The following FAM204A variants were observed in gnomAD, a reference collection of about 807,000 sequenced individuals.
The protein encoded by FAM204A is protein FAM204A.
In FAM204A, 16 loss-of-function variants were observed where a neutral mutation model predicts 35.4. The ratio of observed to expected loss-of-function variants is 0.45; its 90% CI spans 0.31 to 0.69. The LOEUF is 0.69. Among genes scored for constraint, FAM204A ranks in the 30% least tolerant of loss-of-function variants. The pLI, the probability that FAM204A is intolerant of heterozygous loss-of-function variation, is 0.07. For missense variants in FAM204A, 240 were observed against 265.7 expected (o/e 0.90, Z 0.67); for synonymous variants, 76 against 86.9 (o/e 0.88, Z 0.70).
At chr10:118,336,455 G>A (rs1438201643) in intron 2 of FAM204A, 32 bp from the exon 3 acceptor site, 2 of 1,542,080 alleles carry the variant, frequency 1.3e-6, no homozygotes, top group Admixed American at 4.2e-5. Flanking sequence ...TACACATGTA[G>A]AATAACCATA....
chr10:118,325,216 T>C, intron 7 of FAM204A, among the ~76,000 whole-genome samples: 1 of 152,028 alleles, frequency 6.6e-6, no homozygotes, highest in Non-Finnish European at 1.5e-5. Context: ...CAAACATCCA[T>C]CCACAGTAGA....
chr10:118,320,569 CACAT>C (rs1320054189), intron 7 of FAM204A, among the ~76,000 whole-genome samples: 4 of 151,964 alleles, frequency 2.6e-5, no homozygotes, highest in Non-Finnish European at 5.9e-5. Context: ...CACACACACA[CACAT>C]ATTTCAAATT....
Position 118,335,837 on chromosome 10 carries a change from AG to A in FAM204A, c.235-197del, listed in dbSNP as rs2133292417. 2.0e-5 allele frequency among the ~76,000 whole-genome samples: 3 copies of A among 152,350 alleles called. No homozygotes were observed. In the South Asian group the frequency reaches 6.2e-4, roughly 32 times the overall value. On this transcript the variant is annotated intron_variant, in intron 3 of 8. Coordinates refer to ENST00000369183, the MANE Select transcript of FAM204A (RefSeq NM_022063.3). ...TTTGATATTCACTTGTTTTGAAATA[AG>A]TCATTTGATAATTTGAGAGTGAAGC... is the stretch of plus-strand genomic sequence containing the variant.
rs1845797135 is a variant in FAM204A at position 118,300,503 on chromosome 10, T to C, written c.*10354A>G. On this transcript the variant is annotated 3_prime_UTR_variant, in exon 9 of 9. Coordinates refer to ENST00000369183, the MANE Select transcript of FAM204A (RefSeq NM_022063.3). ...CCCATTAGATCATGGTGGTGTAGCCTAGGGCACTGATTAACATTGGCTGAA... is the reference window on the plus strand; with the variant it reads ...CCCATTAGATCATGGTGGTGTAGCCCAGGGCACTGATTAACATTGGCTGAA... 6.6e-6 allele frequency: 1 copy of C among 152,208 alleles called. No individual in the cohort carries two copies. The highest frequency in any genetic ancestry group is 1.5e-5 in the Non-Finnish European group (1 of 68,032). The allele number at this position is 152,208 out of a possible 1,614,324, so 9.4% of individuals were successfully genotyped here. A position where few individuals can be genotyped will look rare whatever the true frequency, so the allele number is the denominator to read the frequency against.
At chr10:118,337,215 C>T (rs555454672) in intron 2 of FAM204A, 1 of 983,452 alleles carries the variant, frequency 1.0e-6, no homozygotes, top group African/African-American at 1.7e-5. Flanking sequence ...GTATAATACT[C>T]AAGTACATAC....
In FAM204A at chr10:118,305,354, A is replaced by G. The variant is rs1410430198; in HGVS notation, c.*5503T>C. On this transcript the variant is annotated 3_prime_UTR_variant, in exon 9 of 9. Coordinates refer to ENST00000369183, the MANE Select transcript of FAM204A (RefSeq NM_022063.3). ...AAAGGACACGTTAATGCAGTCTAAG[A>G]AAACTTTAAGCTTAAAATCACTGAG... 6.6e-6 allele frequency: 1 copy of G among 152,248 alleles called. No individual in the cohort carries two copies. The highest frequency in any genetic ancestry group is 1.5e-5 in the Non-Finnish European group (1 of 68,036). 9.4% of individuals were successfully genotyped at this position (152,248 alleles called of 1,614,324 possible).
At chr10:118,338,883 T>C (rs1846428845) in intron 2 of FAM204A, among the ~76,000 whole-genome samples, 1 of 152,216 alleles carries the variant, frequency 6.6e-6, no homozygotes, top group Non-Finnish European at 1.5e-5. Flanking sequence ...TTGTTGCTAA[T>C]CAGCCTTCAA....
chr10:118,315,818 C>A (rs1304497370), intron 7 of FAM204A, among the ~76,000 whole-genome samples: 1 of 152,092 alleles, frequency 6.6e-6, no homozygotes, highest in Non-Finnish European at 1.5e-5. Flanking sequence ...ATTCTGGGAG[C>A]CGAACATGGT....
rs1230322167 is a variant in FAM204A, at chr10:118,336,485, TAGAAGACATTCC to T, written c.-8-74_-8-63del. 8 of 1,414,602 alleles carry T rather than the reference TAGAAGACATTCC, an allele frequency of 5.7e-6. No homozygotes were observed. In the Admixed American group the frequency reaches 2.1e-4, roughly 38 times the overall value. 87.6% of individuals were successfully genotyped at this position (1,414,602 alleles called of 1,614,324 possible). ...ACCATAGAAATAATTTTAAGACCAT[TAGAAGACATTCC>T]AGGTGCCTAATAATTATAACAATGG... On this transcript the variant is annotated intron_variant, in intron 2 of 8. Transcript: ENST00000369183.
chr10:118,339,869 C>G (rs933561738), intron 2 of FAM204A, among the ~76,000 whole-genome samples: 1 of 152,188 alleles, frequency 6.6e-6, no homozygotes, highest in Admixed American at 6.5e-5. Flanking sequence ...TTGCCATGAA[C>G]TGAAAATATT....
chr10:118,307,557 C>T lies in FAM204A; in HGVS notation c.*3300G>A, dbSNP rs892804717. ...CTTGCCTCCTCAAACTTTATCATCT[C>T]TTAAAAAATAATGTACAACTCTCAT... is the stretch of plus-strand genomic sequence containing the variant. On this transcript the variant is annotated 3_prime_UTR_variant, in exon 9 of 9. Coordinates refer to ENST00000369183, the MANE Select transcript of FAM204A (RefSeq NM_022063.3). The T allele has an allele frequency of 1.3e-5, 2 of 152,182 alleles. No individual in the cohort carries two copies. Among genetic ancestry groups the T allele is most frequent in the African/African-American group, 4.8e-5 (2 of 41,450 alleles). 9.4% of individuals were successfully genotyped at this position (152,182 alleles called of 1,614,324 possible). A position where few individuals can be genotyped will look rare whatever the true frequency, so the allele number is the denominator to read the frequency against.
chr10:118,333,181 A>AG (rs1255815447), intron 6 of FAM204A, among the ~76,000 whole-genome samples: 2 of 152,164 alleles, frequency 1.3e-5, no homozygotes, highest in African/African-American at 2.4e-5. Flanking sequence ...GAAAAAGGGG[A>AG]GGAAAAAAAA....
rs533366994 is a variant in FAM204A at position 118,311,508 on chromosome 10, C to A, written c.544-195G>T. On this transcript the variant is annotated intron_variant, in intron 7 of 8. Transcript: ENST00000369183. ...TATCTCCCGTGACTCCCAATAGACC[C>A]TTTACCCTAGTTATACCAGTCTCCT... 5.9e-6 allele frequency: 3 copies of A among 511,498 alleles called. No homozygotes were observed. The Admixed American group carries it at 1.1e-4, about 19-fold the overall frequency. 31.7% of individuals were successfully genotyped at this position (511,498 alleles called of 1,614,324 possible). A position where few individuals can be genotyped will look rare whatever the true frequency, so the allele number is the denominator to read the frequency against.
At chr10:118,340,655 G>A (rs1846462472) in intron 2 of FAM204A, among the ~76,000 whole-genome samples, 1 of 152,180 alleles carries the variant, frequency 6.6e-6, no homozygotes, top group Non-Finnish European at 1.5e-5. Flanking sequence ...TCAGGACACT[G>A]AGAAGGGGAA....
Position 118,300,483 on chromosome 10 carries a change from T to C in FAM204A, c.*10374A>G, listed in dbSNP as rs1333583594. 6.6e-6 allele frequency: 1 copy of C among 152,202 alleles called. No homozygotes were observed. Among genetic ancestry groups the C allele is most frequent in the Non-Finnish European group, 1.5e-5 (1 of 68,026 alleles). The allele number at this position is 152,202 out of a possible 1,614,324, so 9.4% of individuals were successfully genotyped here. Reference sequence around the variant, plus strand: ...CAGTCATGAAAATTGAATGGCCCATTAGATCATGGTGGTGTAGCCTAGGGC... The same window carrying C: ...CAGTCATGAAAATTGAATGGCCCATCAGATCATGGTGGTGTAGCCTAGGGC... On this transcript the variant is annotated 3_prime_UTR_variant, in exon 9 of 9. Transcript: ENST00000369183.
At chr10:118,311,038 C>T (rs1845944068) in intron 8 of FAM204A, 130 bp from the exon 9 acceptor site, 2 of 1,067,944 alleles carry the variant, frequency 1.9e-6, no homozygotes, top group Non-Finnish European at 2.7e-6. Flanking sequence ...ACAAAATAAA[C>T]ATTAAACAGG....
rs528965858 is a variant in FAM204A, at chr10:118,305,973, T to C, written c.*4884A>G. 4 of 152,370 alleles carry C rather than the reference T, an allele frequency of 2.6e-5. No individual in the cohort carries two copies. Among genetic ancestry groups the C allele is most frequent in the African/African-American group, 9.6e-5 (4 of 41,590 alleles). 9.4% of individuals were successfully genotyped at this position (152,370 alleles called of 1,614,324 possible). ...ATAAAACCTTTATAGCTGAGACACA[T>C]TCAGCCTGAAGATGAAGTGATATAT... is the stretch of plus-strand genomic sequence containing the variant. On this transcript the variant is annotated 3_prime_UTR_variant, in exon 9 of 9. Coordinates refer to ENST00000369183, the MANE Select transcript of FAM204A (RefSeq NM_022063.3).
intron 7 of FAM204A, among the ~76,000 whole-genome samples, chr10:118,316,963 TA>T (rs1846041727): frequency 6.6e-6 from 1 of 151,984 alleles, no homozygotes. Flanking sequence ...AAAAAAGCAT[TA>T]AAAAATTAAC....
chr10:118,336,544 C>CT (rs918595199), intron 2 of FAM204A, 121 bp from the exon 3 acceptor site: 15,418 of 656,968 alleles, frequency 0.023, 1 homozygote, highest in East Asian at 0.031. Context: ...TCCATCTAAA[C>CT]TTTTTTTTTT....
Sources: allele counts gnomAD v4.1 joint callset (sites outside exome capture counted in the v4.1 genomes callset), GRCh38; gene constraint gnomAD v4.1.1; transcripts MANE v1.5; gene names NCBI Gene and HGNC (gene_info 2026-07-23, HGNC 2026-07-21).